The following TMC6 variants were observed in gnomAD, a reference collection of about 807,000 sequenced individuals.
TMC6 encodes transmembrane channel like 6, also known as transmembrane channel-like protein 6.
A neutral mutation model predicts 95.4 loss-of-function variants in TMC6; 71 were observed. The ratio of observed to expected loss-of-function variants is 0.74; its 90% CI spans 0.61 to 0.91. TMC6 has a LOEUF of 0.91. Ranked by LOEUF, TMC6 falls within the 40% of genes least tolerant of loss-of-function variation. TMC6 has a pLI of 0.00. For synonymous variants in TMC6, 514 were observed against 483.1 expected, an observed-to-expected ratio of 1.06 and a Z score of -0.84; for missense variants, 1,074 against 1,079.1, an observed-to-expected ratio of 1.00 and a Z score of 0.07.
chr17:78,115,526 A>G (rs2074028383), intron 18 of TMC6, among the ~76,000 whole-genome samples: 1 of 152,090 alleles, frequency 6.6e-6, no homozygotes, highest in Non-Finnish European at 1.5e-5. Context: ...GGCCTCGGGG[A>G]GGAGGCCAGG....
intron 5 of TMC6, 76 bp from the exon 6 acceptor site, chr17:78,125,339 G>T: frequency 1.5e-6 from 2 of 1,339,038 alleles, no homozygotes; most frequent in African/African-American, 2.9e-5. Context: ...CCCTGGTCAG[G>T]CCTGTGTGTC....
At chr17:78,117,180 C>T in intron 18 of TMC6, 89 bp downstream of exon 18, 1 of 1,409,008 alleles carries the variant, frequency 7.1e-7, no homozygotes, top group Non-Finnish European at 1.0e-6. Context: ...CCAAGGCCCA[C>T]AGGAGATGTA....
At chr17:78,124,495 C>G in intron 8 of TMC6, 29 bp downstream of exon 8, 1 of 1,603,982 alleles carries the variant, frequency 6.2e-7, no homozygotes, top group Non-Finnish European at 8.5e-7. Flanking sequence ...ACAGGCACCC[C>G]CCGTCCCCCA....
chr17:78,114,723 C>T (rs1412887794), intron 18 of TMC6, among the ~76,000 whole-genome samples: 3 of 152,114 alleles, frequency 2.0e-5, no homozygotes, highest in Non-Finnish European at 4.4e-5. Flanking sequence ...GACCATGGGC[C>T]CCTTAAGCAA....
rs761039914 is a variant in TMC6 at position 78,119,294 on chromosome 17, C to T, written c.1811+3G>A. The T allele has an allele frequency of 6.2e-7, 1 of 1,613,992 alleles. No homozygotes were observed. The highest frequency in any genetic ancestry group is 8.5e-7 in the Non-Finnish European group (1 of 1,180,018). On this transcript the variant is annotated splice_donor_region_variant and intron_variant, in intron 14 of 19. Coordinates refer to ENST00000590602, the MANE Select transcript of TMC6 (RefSeq NM_001127198.5). ...CAGTAGGAGGCAAGCAGAGGACCCT[C>T]ACCAGGTCAGAGTCTGCCCATAAAT...
chr17:78,124,106 G>A lies in TMC6; in HGVS notation c.965C>T (p.Pro322Leu). 9 of 1,613,312 alleles carry A rather than the reference G, an allele frequency of 5.6e-6. No individual in the cohort carries two copies. Among genetic ancestry groups the A allele is most frequent in the Non-Finnish European group, 7.6e-6 (9 of 1,179,950 alleles). ...GGGTGTGCACTGGCTGCCATCCAGG[G>A]GGCTGCCACACGGCTGGTTCAGCGT... ...NATLNQPCGS[P>L]LDGSQCTPRV... The change falls in exon 9 of 20, where the codon CCC (proline) becomes CTC (leucine). Residue 322 changes from proline (P) to leucine (L), a missense_variant. Pro to Leu is a moderately conservative substitution (Grantham distance 98, BLOSUM62 -3). Transcript: ENST00000590602.
At chr17:78,127,003 C>T (rs1598878737) in intron 1 of TMC6, 97 bp from the exon 2 acceptor site, 1 of 746,484 alleles carries the variant, frequency 1.3e-6, no homozygotes, top group African/African-American at 1.7e-5. Context: ...GTGCCACTCA[C>T]AGCCCAGACA....
intron 18 of TMC6, 101 bp downstream of exon 18, chr17:78,117,168 A>G: frequency 1.5e-6 from 2 of 1,304,888 alleles, no homozygotes; most frequent in East Asian, 2.3e-5. Flanking sequence ...CCCTTTCACC[A>G]GCCAAGGCCC....
Position 78,126,296 on chromosome 17 carries a change from G to A in TMC6, c.252C>T (p.Ser84=). The A allele has an allele frequency of 1.3e-6, 2 of 1,563,090 alleles. No individual in the cohort carries two copies. Among genetic ancestry groups the A allele is most frequent in the Non-Finnish European group, 1.7e-6 (2 of 1,157,916 alleles). Residue 84 remains serine (S), a synonymous_variant, in exon 4 of 20, where the codon AGC becomes AGT. Coordinates refer to ENST00000590602, the MANE Select transcript of TMC6 (RefSeq NM_001127198.5). ...QSTATLRILA[S]MPSRTIGRSR... ...ACTCACCAATGGTGCGGCTGGGCAT[G>A]CTGGCCAGGATGCGGAGTGTGGCCG...
chr17:78,112,838 A>C lies in TMC6; in HGVS notation c.*310T>G, dbSNP rs1598812274. The stretch of plus-strand genomic sequence containing the variant: ...TCCAGCTGAGGTTCCCAGGACCCAG[A>C]CCTGCGCCTGGAGGTGGCCCCAGGG... On this transcript the variant is annotated 3_prime_UTR_variant, in exon 20 of 20. Coordinates refer to ENST00000590602, the MANE Select transcript of TMC6 (RefSeq NM_001127198.5). 2.2e-6 allele frequency: 1 copy of C among 462,992 alleles called. No individual in the cohort carries two copies. Among genetic ancestry groups the C allele is most frequent in the South Asian group, 2.7e-5 (1 of 36,954 alleles). 28.7% of individuals were successfully genotyped at this position (462,992 alleles called of 1,614,324 possible).
chr17:78,116,470 A>G (rs1404552049), intron 18 of TMC6, among the ~76,000 whole-genome samples: 4 of 148,696 alleles, frequency 2.7e-5, no homozygotes, highest in Non-Finnish European at 6.0e-5. Flanking sequence ...ACGAGGTTTC[A>G]CTCTGTTGCC....
intron 13 of TMC6, chr17:78,119,936 C>A (rs743047): frequency 0.31 from 103,572 of 330,166 alleles, 16,896 homozygotes; most frequent in African/African-American, 0.4. Flanking sequence ...GCGTGAGCCA[C>A]CACACCGGGC....
In TMC6 at chr17:78,122,921, C is replaced by T; in HGVS notation, c.1083-172G>A. The T allele has an allele frequency of 3.6e-6, 3 of 834,542 alleles. No homozygotes were observed. The South Asian group carries it at 4.7e-5, about 13-fold the overall frequency. 51.7% of individuals were successfully genotyped at this position (834,542 alleles called of 1,614,324 possible). A position where few individuals can be genotyped will look rare whatever the true frequency, so the allele number is the denominator to read the frequency against. Reference sequence around the variant, plus strand: ...CTGCCCCACCACCAGCCCTCTACACCAGTCTCATCCAACATAGCACCCACC... The same window carrying T: ...CTGCCCCACCACCAGCCCTCTACACTAGTCTCATCCAACATAGCACCCACC... On this transcript the variant is annotated intron_variant, in intron 9 of 19. Coordinates refer to ENST00000590602, the MANE Select transcript of TMC6 (RefSeq NM_001127198.5). The surrounding 1 kb of genome is among the most constrained non-coding windows in gnomAD (Gnocchi z 4.9).
Position 78,128,076 on chromosome 17 carries a change from C to T in TMC6, c.-75+536G>A, listed in dbSNP as rs1598883037. ...AACCCGGGGACTCGGGCACCCAGCGCCCCAGCACTCCGCCCCGAGGCCCAG... is the reference window on the plus strand; with the variant it reads ...AACCCGGGGACTCGGGCACCCAGCGTCCCAGCACTCCGCCCCGAGGCCCAG... On this transcript the variant is annotated intron_variant, in intron 1 of 19. Transcript: ENST00000590602. The surrounding 1 kb of genome is among the most constrained non-coding windows in gnomAD (Gnocchi z 4.0). Among the ~76,000 whole-genome samples the T allele has an allele frequency of 6.6e-6, 1 of 152,188 alleles. No homozygotes were observed. The highest frequency in any genetic ancestry group is 2.1e-4 in the South Asian group (1 of 4,830).
chr17:78,131,749 G>T, upstream of TMC6: 2 of 1,575,998 alleles, frequency 1.3e-6, no homozygotes, highest in South Asian at 1.2e-5. Flanking sequence ...TGGGTGCCAC[G>T]CGGGCGCCAG....
chr17:78,109,864 C>G lies in TMC6; in HGVS notation c.*3284G>C, dbSNP rs920259561. On this transcript the variant is annotated 3_prime_UTR_variant, in exon 20 of 20. Transcript: ENST00000590602. ...GGCGGATCACCTGAGGTCAGGAGTT[C>G]AAGACCAGCCTGAGCAACATGGAGA... is the stretch of plus-strand genomic sequence containing the variant. The G allele has an allele frequency of 1.9e-5, 6 of 311,184 alleles. No homozygotes were observed. Among genetic ancestry groups the G allele is most frequent in the African/African-American group, 1.3e-4 (6 of 45,834 alleles). 19.3% of individuals were successfully genotyped at this position (311,184 alleles called of 1,614,324 possible).
chr17:78,109,693 G>T lies in TMC6; in HGVS notation c.*3455C>A. 2.6e-6 allele frequency: 1 copy of T among 384,830 alleles called. No individual in the cohort carries two copies. The highest frequency in any genetic ancestry group is 5.3e-6 in the Non-Finnish European group (1 of 189,302). 23.8% of individuals were successfully genotyped at this position (384,830 alleles called of 1,614,324 possible). ...CGGGCGTGAGTGCATGCATGCGTTT[G>T]TGACAGCCTGGTGCTCGGATGGGCC... On this transcript the variant is annotated 3_prime_UTR_variant, in exon 20 of 20. Coordinates refer to ENST00000590602, the MANE Select transcript of TMC6 (RefSeq NM_001127198.5).
intron 14 of TMC6, 83 bp downstream of exon 14, chr17:78,119,214 G>C (rs1307165891): frequency 1.9e-6 from 3 of 1,570,016 alleles, no homozygotes; most frequent in Non-Finnish European, 1.8e-6. Context: ...GTGGCCCCAG[G>C]GGGAGGCAGG....
Position 78,117,500 on chromosome 17 carries a change from G to A in TMC6, c.2166C>T (p.Thr722=). The A allele has an allele frequency of 6.2e-7, 1 of 1,609,100 alleles. No homozygotes were observed. The highest frequency in any genetic ancestry group is 2.2e-5 in the East Asian group (1 of 44,758). The change falls in exon 17 of 20, where the codon ACC becomes ACT. Residue 722 remains threonine (T), a synonymous_variant. Coordinates refer to ENST00000590602, the MANE Select transcript of TMC6 (RefSeq NM_001127198.5). ...GGGCTGACACCAGGAAGACAAAGAA[G>A]GTGTTTTCCATCAGGTACCGGTGCA... ...PWVHRYLMEN[T]FFVFLVSALL...
Sources: allele counts gnomAD v4.1 joint callset (sites outside exome capture counted in the v4.1 genomes callset), GRCh38; gene constraint gnomAD v4.1.1; non-coding constraint Gnocchi (gnomAD v3.1); transcripts MANE v1.5; gene names NCBI Gene and HGNC (gene_info 2026-07-23, HGNC 2026-07-21).